The following ADGRL2 variants were observed in gnomAD, a reference collection of about 807,000 sequenced individuals.
ADGRL2 encodes the protein adhesion G protein-coupled receptor L2, also known as calcium-independent alpha-latrotoxin receptor 2.
In ADGRL2, 44 loss-of-function variants were observed where a neutral mutation model predicts 157.4. That is an observed-to-expected ratio of 0.28 (90% CI 0.22 to 0.36). The LOEUF (loss-of-function observed/expected upper bound fraction) is 0.36. ADGRL2 is among the 10% of genes least tolerant of loss of function. The probability of loss-of-function intolerance (pLI) is 1.00; values close to 1 mark genes in which losing one functional copy is unlikely to be tolerated. For missense variants in ADGRL2, 1,510 were observed against 1,768.9 expected (o/e 0.85, Z 2.63); for synonymous variants, 585 against 624.7 (o/e 0.94, Z 0.95).
chr1:81,603,341 G>A (rs2081371678), intron 3 of ADGRL2, among the ~76,000 whole-genome samples: 1 of 152,088 alleles, frequency 6.6e-6, no homozygotes, highest in Admixed American at 6.6e-5. Flanking sequence ...AAGTGTATAT[G>A]TGTATGCATG....
intron 7 of ADGRL2, among the ~76,000 whole-genome samples, chr1:81,950,777 T>A (rs1450870688): frequency 1.3e-5 from 2 of 152,196 alleles, no homozygotes; most frequent in Non-Finnish European, 2.9e-5. Flanking sequence ...TCACTTTGGA[T>A]GAATCCCAAG....
intron 11 of ADGRL2, among the ~76,000 whole-genome samples, chr1:81,964,934 G>A (rs1323623860): frequency 6.6e-6 from 1 of 152,058 alleles, no homozygotes; most frequent in African/African-American, 2.4e-5. Flanking sequence ...TAAAGGCAAT[G>A]TACTTTTCCA....
intron 11 of ADGRL2, among the ~76,000 whole-genome samples, chr1:81,962,480 A>G (rs1214741039): frequency 2.0e-5 from 3 of 152,168 alleles, no homozygotes; most frequent in Non-Finnish European, 4.4e-5. Flanking sequence ...GTTGTTTTAC[A>G]TAATGAGTCA....
chr1:81,509,879 C>G (rs1006994132), intron 2 of ADGRL2, among the ~76,000 whole-genome samples: 2 of 152,186 alleles, frequency 1.3e-5, no homozygotes, highest in Admixed American at 1.3e-4. Flanking sequence ...GAAATACATG[C>G]TCAGGACAGC....
intron 1 of ADGRL2, among the ~76,000 whole-genome samples, chr1:81,732,981 C>T (rs1015152406): frequency 2.0e-5 from 3 of 152,158 alleles, no homozygotes; most frequent in Admixed American, 6.5e-5. Flanking sequence ...CTATGTTTTA[C>T]GATATCCATA....
intron 1 of ADGRL2, among the ~76,000 whole-genome samples, chr1:81,390,131 T>G (rs1048792268): frequency 3.3e-5 from 5 of 152,292 alleles, no homozygotes; most frequent in Non-Finnish European, 7.3e-5. Context: ...AGAGAAGTTC[T>G]GAAACTTCAT....
chr1:81,702,147 C>T (rs141677259), intron 1 of ADGRL2, among the ~76,000 whole-genome samples: 187 of 152,270 alleles, frequency 1.2e-3, no homozygotes, highest in Middle Eastern at 3.4e-3. Flanking sequence ...GCTGTCATAC[C>T]TTTCCCTGAA....
chr1:81,841,154 T>A (rs2150300311), intron 2 of ADGRL2, among the ~76,000 whole-genome samples: 1 of 152,302 alleles, frequency 6.6e-6, no homozygotes, highest in Admixed American at 6.5e-5. Flanking sequence ...ATTTTATTAG[T>A]CAAAATTTTA....
In ADGRL2 at chr1:81,981,833, C is replaced by G; in HGVS notation, c.3139C>G (p.Leu1047Val). 6.2e-7 allele frequency: 1 copy of G among 1,610,390 alleles called. No homozygotes were observed. Among genetic ancestry groups the G allele is most frequent in the Non-Finnish European group, 8.5e-7 (1 of 1,178,416 alleles). The change falls in exon 19 of 24, where the codon CTT (leucine) becomes GTT (valine). Residue 1047 changes from leucine to valine, a missense_variant. By Grantham distance (32) the Leu-to-Val change is conservative. Coordinates refer to ENST00000686636, the MANE Select transcript of ADGRL2 (RefSeq NM_001366006.2). Reference protein sequence around the residue: ...IKSWVLGAFALLCLLGLTWSF... With the variant: ...IKSWVLGAFAVLCLLGLTWSF... ...GTCTTGGGTGCTTGGCGCTTTCGCT[C>G]TTCTGTGTCTTCTTGGCCTCACCTG...
intron 1 of ADGRL2, among the ~76,000 whole-genome samples, chr1:81,333,343 G>T (rs112529008): frequency 6.6e-6 from 1 of 152,228 alleles, no homozygotes; most frequent in African/African-American, 2.4e-5. Flanking sequence ...CATCCAACCA[G>T]AGGACATAGC....
At chr1:81,698,316 A>G (rs935490409), upstream of ADGRL2, among the ~76,000 whole-genome samples, 1 of 152,212 alleles carries the variant, frequency 6.6e-6, no homozygotes, top group Non-Finnish European at 1.5e-5. Flanking sequence ...GCCAATGATT[A>G]CTGCTCACAT....
chr1:81,473,036 G>A (rs4650554), intron 2 of ADGRL2, among the ~76,000 whole-genome samples: 81,991 of 151,690 alleles, frequency 0.54, 26,977 homozygotes, highest in Non-Finnish European at 0.74. Context: ...TGCCTGTTAT[G>A]TGAACTCAAT....
At chr1:81,957,837 T>G (rs997863667) in intron 11 of ADGRL2, among the ~76,000 whole-genome samples, 6 of 151,930 alleles carry the variant, frequency 3.9e-5, no homozygotes, top group Admixed American at 1.3e-4. Flanking sequence ...TATTTACTAG[T>G]CTAAATGCTG....
At chr1:81,450,535 G>A (rs966998262) in intron 2 of ADGRL2, among the ~76,000 whole-genome samples, 9 of 152,046 alleles carry the variant, frequency 5.9e-5, no homozygotes, top group Admixed American at 3.3e-4. Flanking sequence ...CTCTGAGACC[G>A]AAGGCTGTGC....
At chr1:81,838,861 A>T (rs1193653367) in intron 2 of ADGRL2, among the ~76,000 whole-genome samples, 1 of 152,050 alleles carries the variant, frequency 6.6e-6, no homozygotes, top group Non-Finnish European at 1.5e-5. Flanking sequence ...TTGGCTCATC[A>T]GGCCAGGGGG....
At chr1:81,679,655 T>A (rs2148948771) in intron 3 of ADGRL2, among the ~76,000 whole-genome samples, 1 of 152,334 alleles carries the variant, frequency 6.6e-6, no homozygotes. Flanking sequence ...ATACTAGGTT[T>A]CTTGCTTTTC....
intron 1 of ADGRL2, among the ~76,000 whole-genome samples, chr1:81,813,301 A>G (rs577690450): frequency 4.6e-5 from 7 of 151,726 alleles, no homozygotes; most frequent in Non-Finnish European, 1.0e-4. Flanking sequence ...TTATTTTATC[A>G]AGTAATAATA....
rs72940961 is a variant in ADGRL2, at chr1:81,450,009, C to T, written c.-248+4920C>T. Among the ~76,000 whole-genome samples, 980 of 152,258 alleles carry T rather than the reference C, an allele frequency of 6.4e-3. 12 individuals carry two copies. The highest frequency in any genetic ancestry group is 0.022 in the African/African-American group (927 of 41,560). On this transcript the variant is annotated intron_variant, in intron 2 of 24. Transcript: ENST00000370721. ...CTTATCAAGCACGAGCATTCCACCA[C>T]CGATGAGTCAGTTTCCCTAGCTCTC...
intron 1 of ADGRL2, among the ~76,000 whole-genome samples, chr1:81,389,792 G>C (rs908849965): frequency 1.1e-4 from 16 of 152,180 alleles, no homozygotes; most frequent in Admixed American, 7.9e-4. Context: ...AGCAAAGCAT[G>C]GTTCTTGCAT....
Sources: gnomAD v4.1 joint callset for allele counts (sites outside exome capture counted in the v4.1 genomes callset) on GRCh38, gnomAD v4.1.1 for gene constraint, MANE v1.5 for transcripts, NCBI Gene and HGNC (gene_info 2026-07-23, HGNC 2026-07-21) for gene names.